STAU1: variants seen among roughly 807,000 people sequenced by gnomAD.
The protein encoded by STAU1 is staufen double-stranded RNA binding protein 1.
Under a neutral mutation model 62.9 loss-of-function variants are expected in STAU1, and 13 were observed. That is an observed-to-expected ratio of 0.21 (90% CI 0.13 to 0.33). STAU1 has a LOEUF of 0.33. STAU1 is among the 10% of genes least tolerant of loss of function. The pLI, the probability that STAU1 is intolerant of heterozygous loss-of-function variation, is 1.00. For missense variants in STAU1, 571 were observed against 712.1 expected (o/e 0.80, Z 2.25); for synonymous variants, 269 against 265.1 (o/e 1.01, Z -0.14).
chr20:49,177,706 A>C (rs2093676879), intron 1 of STAU1, among the ~76,000 whole-genome samples: 1 of 152,038 alleles, frequency 6.6e-6, no homozygotes, highest in Non-Finnish European at 1.5e-5. Flanking sequence ...TTTAAAACAC[A>C]CATAAAAAAA....
intron 1 of STAU1, among the ~76,000 whole-genome samples, chr20:49,185,643 G>C (rs775849142): frequency 2.6e-5 from 4 of 152,084 alleles, no homozygotes; most frequent in Admixed American, 6.6e-5. Flanking sequence ...TGTGTGGGGG[G>C]ATACAACATG....
chr20:49,127,657 G>C (rs1236997571), intron 6 of STAU1, among the ~76,000 whole-genome samples: 1 of 152,058 alleles, frequency 6.6e-6, no homozygotes, highest in Non-Finnish European at 1.5e-5. Context: ...AGTGAGCTGA[G>C]ATCGCGCCAT....
chr20:49,156,794 C>T (rs2093364156), intron 3 of STAU1, among the ~76,000 whole-genome samples: 1 of 152,118 alleles, frequency 6.6e-6, no homozygotes, highest in African/African-American at 2.4e-5. Context: ...CTTGATAATT[C>T]ATCCTGTCAT....
chr20:49,195,925 G>GAAAAAAAAAAAAAAAAAAAGAAAAAAGA, the STAU1 span, among the ~76,000 whole-genome samples: 3 of 93,724 alleles, frequency 3.2e-5, 1 homozygote, highest in South Asian at 1.3e-3. Context: ...AAAGAAAAAA[G>GAAAAAAAAAAAAAAAAAAAGAAAAAAGA]AAAAAAAAAA....
chr20:49,143,684 T>C (rs1303941214), intron 5 of STAU1, among the ~76,000 whole-genome samples: 2 of 152,230 alleles, frequency 1.3e-5, no homozygotes, highest in Non-Finnish European at 2.9e-5. Flanking sequence ...CACCATTTAT[T>C]ATCTGGCTCC....
intron 10 of STAU1, 77 bp downstream of exon 10, chr20:49,118,256 G>C: frequency 1.4e-6 from 2 of 1,440,460 alleles, no homozygotes; most frequent in Non-Finnish European, 1.9e-6. Flanking sequence ...TCACTGGCTG[G>C]GCTCCTGCTG....
At position 49,180,384 on chromosome 20, in the gene STAU1, C is replaced by T. The variant is rs578246972; in HGVS notation, c.-159-6115G>A. Among the ~76,000 whole-genome samples the T allele has an allele frequency of 2.9e-3, 441 of 151,242 alleles. 1 individual carries two copies. Among genetic ancestry groups the T allele is most frequent in the Non-Finnish European group, 4.3e-3 (291 of 67,912 alleles). On this transcript the variant is annotated intron_variant, in intron 1 of 13. Transcript: ENST00000371856. ...TGTTGCCCAGGCTGAAGTGCAGCGG[C>T]ACGATGTCAGGTCACTGCAAACTCC...
chr20:49,124,894 G>A (rs910373502), intron 6 of STAU1, among the ~76,000 whole-genome samples: 1 of 151,874 alleles, frequency 6.6e-6, no homozygotes, highest in Non-Finnish European at 1.5e-5. Flanking sequence ...CTGGCAAAAA[G>A]GAAGCTAGCC....
chr20:49,186,961 T>G (rs1482468966), intron 1 of STAU1, among the ~76,000 whole-genome samples: 1 of 151,908 alleles, frequency 6.6e-6, no homozygotes, highest in Non-Finnish European at 1.5e-5. Context: ...CAAGCAATAC[T>G]GCAACACGGA....
chr20:49,117,691 T>A lies in STAU1; in HGVS notation c.1509+86A>T. 1 of 1,405,400 alleles carries A rather than the reference T, an allele frequency of 7.1e-7. No individual in the cohort carries two copies. The highest frequency in any genetic ancestry group is 9.5e-7 in the Non-Finnish European group (1 of 1,048,930). 87.1% of individuals were successfully genotyped at this position (1,405,400 alleles called of 1,614,324 possible). ...GACAGAACTTGATTTAAGAAAAAAG[T>A]ACAAAGTTCAAAGTTCATTTTCTGA... On this transcript the variant is annotated intron_variant, in intron 11 of 13. Coordinates refer to ENST00000371856, the MANE Select transcript of STAU1 (RefSeq NM_017453.4). The surrounding 1 kb of genome is among the most constrained non-coding windows in gnomAD (Gnocchi z 4.6).
At chr20:49,199,226 C>A in the STAU1 span, among the ~76,000 whole-genome samples, 2 of 151,840 alleles carry the variant, frequency 1.3e-5, no homozygotes, top group Admixed American at 1.3e-4. Flanking sequence ...CATACCATCA[C>A]GCCTGGCTGA....
At chr20:49,197,262 G>GA in the STAU1 span, among the ~76,000 whole-genome samples, 547 of 90,348 alleles carry the variant, frequency 6.1e-3, no homozygotes, top group Admixed American at 0.013. Flanking sequence ...CAGTAGTTAA[G>GA]AAAAAAAAAA....
intron 6 of STAU1, among the ~76,000 whole-genome samples, chr20:49,133,913 AAAGG>A (rs2092810481): frequency 6.6e-6 from 1 of 152,328 alleles, no homozygotes; most frequent in South Asian, 2.1e-4. Flanking sequence ...TCACTCGGCC[AAAGG>A]ATGGAGCACT....
chr20:49,117,680 T>C lies in STAU1; in HGVS notation c.1509+97A>G, dbSNP rs1371955539. On this transcript the variant is annotated intron_variant, in intron 11 of 13. Transcript: ENST00000371856. This position sits in a 1 kb window ranked among gnomAD's most constrained non-coding sequence, Gnocchi z 4.6. ...GCCCATCCCTGGACAGAACTTGATT[T>C]AAGAAAAAAGTACAAAGTTCAAAGT... 1.5e-6 allele frequency: 2 copies of C among 1,331,904 alleles called. No homozygotes were observed. The highest frequency in any genetic ancestry group is 2.9e-5 in the African/African-American group (2 of 67,826). 82.5% of individuals were successfully genotyped at this position (1,331,904 alleles called of 1,614,324 possible).
rs186419216 is a variant in STAU1 at position 49,163,082 on chromosome 20, C to T, written c.205+2915G>A. Reference sequence around the variant, plus strand: ...TGGCGTGTGCCTATAGTCCCAGCTACTCAGGAGGCTGAGGCAGGAGAATTG... The same window carrying T: ...TGGCGTGTGCCTATAGTCCCAGCTATTCAGGAGGCTGAGGCAGGAGAATTG... On this transcript the variant is annotated intron_variant, in intron 3 of 13. Coordinates refer to ENST00000371856, the MANE Select transcript of STAU1 (RefSeq NM_017453.4). Among the ~76,000 whole-genome samples the T allele has an allele frequency of 1.3e-3, 198 of 152,100 alleles. 2 individuals carry two copies. The highest frequency in any genetic ancestry group is 4.6e-3 in the African/African-American group (190 of 41,504).
chr20:49,205,175 G>T, the STAU1 span, among the ~76,000 whole-genome samples: 2 of 152,042 alleles, frequency 1.3e-5, no homozygotes, highest in East Asian at 1.9e-4. Context: ...AATTTAAAAC[G>T]TATTTTCGTA....
In STAU1 at chr20:49,178,858, G is replaced by T. The variant is rs576564550; in HGVS notation, c.-159-4589C>A. On this transcript the variant is annotated intron_variant, in intron 1 of 13. Coordinates refer to ENST00000371856, the MANE Select transcript of STAU1 (RefSeq NM_017453.4). The stretch of plus-strand genomic sequence containing the variant: ...GGAGGCCAAGGCGAGTGGATCACAA[G>T]GTCAGGAGATCAAAATCATCCTGGC... Among the ~76,000 whole-genome samples the T allele has an allele frequency of 3.4e-5, 5 of 148,980 alleles. No homozygotes were observed. In the South Asian group the frequency reaches 1.1e-3, roughly 32 times the overall value.
intron 5 of STAU1, among the ~76,000 whole-genome samples, chr20:49,139,308 A>G (rs1031984640): frequency 6.6e-6 from 1 of 152,240 alleles, no homozygotes; most frequent in African/African-American, 2.4e-5. Flanking sequence ...ACAGAATGGG[A>G]TTTGCAAATC....
intron 4 of STAU1, among the ~76,000 whole-genome samples, chr20:49,152,683 T>C (rs531772567): frequency 2.0e-5 from 3 of 152,270 alleles, no homozygotes; most frequent in Non-Finnish European, 4.4e-5. Flanking sequence ...TTTTAATCCA[T>C]GGCATTTTCA....
Sources: allele counts gnomAD v4.1 joint callset (sites outside exome capture counted in the v4.1 genomes callset), GRCh38; gene constraint gnomAD v4.1.1; non-coding constraint Gnocchi (gnomAD v3.1); transcripts MANE v1.5; gene names NCBI Gene and HGNC (gene_info 2026-07-23, HGNC 2026-07-21).